CDH18: variants seen among roughly 807,000 people sequenced by gnomAD.
CDH18 encodes cadherin 18, also known as cadherin-18.
A neutral mutation model predicts 67.9 loss-of-function variants in CDH18; 31 were observed. The observed-to-expected ratio is 0.46, with a 90% confidence interval of 0.34 to 0.62. The LOEUF (loss-of-function observed/expected upper bound fraction) is 0.62. Ranked by LOEUF, CDH18 falls within the 20% of genes least tolerant of loss-of-function variation. The pLI is 0.01. For synonymous variants in CDH18, 362 were observed against 347.2 expected, an observed-to-expected ratio of 1.04 and a Z score of -0.48; for missense variants, 890 against 975.5, an observed-to-expected ratio of 0.91 and a Z score of 1.17.
At chr5:20,508,521 G>T (rs982643241) in intron 1 of CDH18, among the ~76,000 whole-genome samples, 10 of 151,324 alleles carry the variant, frequency 6.6e-5, no homozygotes, top group African/African-American at 2.4e-4. Flanking sequence ...AACTGTATAA[G>T]AAAATAATTT....
At chr5:20,506,967 T>A (rs1449635042) in intron 1 of CDH18, among the ~76,000 whole-genome samples, 4 of 152,194 alleles carry the variant, frequency 2.6e-5, no homozygotes, top group African/African-American at 9.6e-5. Flanking sequence ...GATAGGCATC[T>A]TCTGATTACT....
chr5:20,558,961 C>A (rs763252087), intron 1 of CDH18, among the ~76,000 whole-genome samples: 3 of 150,996 alleles, frequency 2.0e-5, no homozygotes, highest in Non-Finnish European at 4.4e-5. Context: ...GAAAAGGAAA[C>A]CTCCATTGTC....
intron 1 of CDH18, among the ~76,000 whole-genome samples, chr5:20,554,767 A>C (rs924325038): frequency 6.6e-6 from 1 of 152,222 alleles, no homozygotes; most frequent in Non-Finnish European, 1.5e-5. Flanking sequence ...AGGTTAGGTC[A>C]TAAAAAATAA....
chr5:19,854,337 G>A (rs190002738), intron 2 of CDH18, among the ~76,000 whole-genome samples: 279 of 152,194 alleles, frequency 1.8e-3, no homozygotes, highest in African/African-American at 6.4e-3. Context: ...CAATCATTTT[G>A]AGGGAAATCT....
At chr5:19,592,048 C>T (rs1745228545) in intron 6 of CDH18, among the ~76,000 whole-genome samples, 1 of 151,896 alleles carries the variant, frequency 6.6e-6, no homozygotes, top group Non-Finnish European at 1.5e-5. Flanking sequence ...CTTAGAACTC[C>T]CCTATGATAG....
intron 2 of CDH18, among the ~76,000 whole-genome samples, chr5:19,896,095 A>T (rs149364634): frequency 0.013 from 1,950 of 152,186 alleles, 38 homozygotes; most frequent in African/African-American, 0.045. Context: ...AGTGGCTCAC[A>T]CCTGTAATCC....
chr5:19,745,518 AGAG>A (rs1769875862), intron 4 of CDH18, among the ~76,000 whole-genome samples: 1 of 152,188 alleles, frequency 6.6e-6, no homozygotes, highest in Non-Finnish European at 1.5e-5. Flanking sequence ...TTCCTAAGGC[AGAG>A]GAGATTAGGT....
intron 2 of CDH18, among the ~76,000 whole-genome samples, chr5:20,218,254 A>G (rs1740934743): frequency 6.6e-6 from 1 of 151,916 alleles, no homozygotes; most frequent in African/African-American, 2.4e-5. Flanking sequence ...TCAAGAACAG[A>G]CCATTTGCTA....
chr5:19,892,270 T>C (rs1336065961), intron 2 of CDH18, among the ~76,000 whole-genome samples: 1 of 152,160 alleles, frequency 6.6e-6, no homozygotes, highest in Non-Finnish European at 1.5e-5. Flanking sequence ...GTGCTCTAGC[T>C]AATGTTAGTT....
At chr5:19,473,750 G>GACAGGAATT (rs1417967333) in intron 12 of CDH18, 34 bp from the exon 13 acceptor site, 2 of 1,497,288 alleles carry the variant, frequency 1.3e-6, no homozygotes, top group Non-Finnish European at 1.8e-6. Flanking sequence ...GAAGAATTAA[G>GACAGGAATT]AAAACAGGAA....
intron 2 of CDH18, among the ~76,000 whole-genome samples, chr5:20,123,557 CT>C (rs1286354223): frequency 4.6e-5 from 7 of 152,154 alleles, no homozygotes; most frequent in Admixed American, 2.0e-4. Context: ...AGTTAGTGTG[CT>C]ACTGACAATT....
rs1381774942 is a variant in CDH18 at position 20,095,654 on chromosome 5, AT to A, written c.-517-103641del. Among the ~76,000 whole-genome samples, 10 of 150,260 alleles carry A rather than the reference AT, an allele frequency of 6.7e-5. No individual in the cohort carries two copies. The East Asian group carries it at 7.8e-4, about 12-fold the overall frequency. On this transcript the variant is annotated intron_variant, in intron 2 of 14. Coordinates refer to the CDH18 transcript ENST00000507958. Reference sequence around the variant, plus strand: ...AGGCAGTAACATTCATGGCCTGTAAATTTTTTTTTTCAAAGTTGCTGGTTAT... The same window carrying A: ...AGGCAGTAACATTCATGGCCTGTAAATTTTTTTTTCAAAGTTGCTGGTTAT...
At chr5:20,388,494 T>C (rs1247521357) in intron 1 of CDH18, among the ~76,000 whole-genome samples, 1 of 152,124 alleles carries the variant, frequency 6.6e-6, no homozygotes, top group Admixed American at 6.6e-5. Flanking sequence ...GGTCTATCAA[T>C]TTTGTTGATC....
At chr5:20,540,015 T>G (rs1314893757) in intron 1 of CDH18, among the ~76,000 whole-genome samples, 2 of 152,154 alleles carry the variant, frequency 1.3e-5, no homozygotes, top group Admixed American at 1.3e-4. Flanking sequence ...TGCCTAAAAG[T>G]TTTATGTCTA....
intron 3 of CDH18, among the ~76,000 whole-genome samples, chr5:19,827,510 T>C (rs554776265): frequency 6.6e-6 from 1 of 152,066 alleles, no homozygotes; most frequent in African/African-American, 2.4e-5. Flanking sequence ...CCTAAGCAAA[T>C]TCAAGAATGC....
chr5:20,145,473 C>G (rs1329042253), intron 2 of CDH18, among the ~76,000 whole-genome samples: 3 of 152,130 alleles, frequency 2.0e-5, no homozygotes, highest in African/African-American at 7.2e-5. Flanking sequence ...TCTCATTTTT[C>G]TATGTGAAGA....
chr5:19,588,008 T>C (rs918858386), intron 7 of CDH18, among the ~76,000 whole-genome samples: 8 of 152,094 alleles, frequency 5.3e-5, no homozygotes, highest in Non-Finnish European at 8.8e-5. Context: ...TTTGCTTCCC[T>C]TGTTAACCAT....
At chr5:20,490,096 T>C (rs1360995823) in intron 1 of CDH18, among the ~76,000 whole-genome samples, 1 of 150,768 alleles carries the variant, frequency 6.6e-6, no homozygotes, top group Non-Finnish European at 1.5e-5. Flanking sequence ...ATATTATTAA[T>C]AATACTAATT....
intron 2 of CDH18, among the ~76,000 whole-genome samples, chr5:20,172,751 G>A (rs1202649691): frequency 1.3e-5 from 2 of 152,072 alleles, no homozygotes; most frequent in Non-Finnish European, 2.9e-5. Flanking sequence ...AGCACTTTGG[G>A]AGGCCAAGGC....
Sources: gnomAD v4.1 joint callset for allele counts (sites outside exome capture counted in the v4.1 genomes callset) on GRCh38, gnomAD v4.1.1 for gene constraint, MANE v1.5 for transcripts, NCBI Gene and HGNC (gene_info 2026-07-23, HGNC 2026-07-21) for gene names.